KCNMA1: variants seen among roughly 807,000 people sequenced by gnomAD.
KCNMA1 encodes the protein Calcium-activated potassium channel subunit alpha-1.
A neutral mutation model predicts 140.0 loss-of-function variants in KCNMA1; 29 were observed. The observed-to-expected ratio is 0.21, with a 90% CI of 0.15 to 0.28. The LOEUF is 0.28. KCNMA1 is among the 10% of genes least tolerant of loss of function. The pLI, the probability that KCNMA1 is intolerant of heterozygous loss-of-function variation, is 1.00. For missense variants in KCNMA1, 880 were observed against 1,602.2 expected (o/e 0.55, Z 7.70); for synonymous variants, 612 against 611.9 (o/e 1.00, Z 0.00).
At chr10:77,515,736 A>C (rs1450886304) in intron 1 of KCNMA1, among the ~76,000 whole-genome samples, 2 of 145,656 alleles carry the variant, frequency 1.4e-5, no homozygotes, top group African/African-American at 5.3e-5. Context: ...CTCCCCACCC[A>C]GGGCTAACTC....
At chr10:77,637,138 C>T in intron 1 of KCNMA1, 127 bp downstream of exon 1, 1 of 1,247,350 alleles carries the variant, frequency 8.0e-7, no homozygotes, top group Non-Finnish European at 1.1e-6. Flanking sequence ...GAAGGGAAGG[C>T]GGCGAGGGGA....
chr10:77,395,918 TC>T (rs1427086402), intron 2 of KCNMA1, among the ~76,000 whole-genome samples: 15 of 152,160 alleles, frequency 9.9e-5, no homozygotes, highest in African/African-American at 3.4e-4. Flanking sequence ...CTAGTGCAAA[TC>T]TAGTGTATCT....
intron 16 of KCNMA1, among the ~76,000 whole-genome samples, chr10:77,024,641 C>T (rs2093223038): frequency 6.6e-6 from 1 of 151,870 alleles, no homozygotes; most frequent in Admixed American, 6.6e-5. Context: ...AGGGTGAAAT[C>T]ACATGGTGAA....
At chr10:77,344,196 A>G (rs533395161) in intron 2 of KCNMA1, among the ~76,000 whole-genome samples, 46 of 152,256 alleles carry the variant, frequency 3.0e-4, no homozygotes, top group Non-Finnish European at 5.9e-4. Flanking sequence ...CCACCAGCCC[A>G]CAAGGGACAC....
chr10:77,371,938 T>C (rs150125005), intron 2 of KCNMA1, among the ~76,000 whole-genome samples: 140 of 152,346 alleles, frequency 9.2e-4, no homozygotes, highest in Middle Eastern at 3.4e-3. Context: ...CAAAGAGCTC[T>C]CCTTTCCTTA....
chr10:77,022,685 A>G (rs989344686), intron 16 of KCNMA1, among the ~76,000 whole-genome samples: 2 of 152,188 alleles, frequency 1.3e-5, no homozygotes, highest in Non-Finnish European at 2.9e-5. Flanking sequence ...GCACATTTCA[A>G]CTATTTGTTG....
At chr10:77,346,162 G>A (rs529279530) in intron 2 of KCNMA1, among the ~76,000 whole-genome samples, 1 of 152,262 alleles carries the variant, frequency 6.6e-6, no homozygotes, top group East Asian at 1.9e-4. Context: ...TTCCTGAATT[G>A]TGGAACTTCA....
chr10:77,273,441 C>T (rs529581255), intron 2 of KCNMA1, among the ~76,000 whole-genome samples: 1 of 152,152 alleles, frequency 6.6e-6, no homozygotes, highest in Non-Finnish European at 1.5e-5. Context: ...AGCTATTATA[C>T]TTGCAAGATG....
At chr10:77,464,244 G>C (rs184090) in intron 1 of KCNMA1, among the ~76,000 whole-genome samples, 88,751 of 151,882 alleles carry the variant, frequency 0.58, 26,426 homozygotes, top group African/African-American at 0.67. Context: ...CCTGGGTTCT[G>C]AGAGGCTCAA....
intron 23 of KCNMA1, among the ~76,000 whole-genome samples, chr10:76,927,192 C>T (rs941156141): frequency 6.6e-6 from 1 of 152,164 alleles, no homozygotes; most frequent in East Asian, 1.9e-4. Flanking sequence ...CTCTAGTGTA[C>T]ATCCAGATTT....
At chr10:77,083,061 C>T (rs2096615504) in intron 12 of KCNMA1, among the ~76,000 whole-genome samples, 1 of 152,060 alleles carries the variant, frequency 6.6e-6, no homozygotes, top group African/African-American at 2.4e-5. Context: ...GGTAAGTTCC[C>T]AGGAGGCAGT....
At chr10:77,097,487 A>G (rs1021312140) in intron 9 of KCNMA1, among the ~76,000 whole-genome samples, 1 of 152,168 alleles carries the variant, frequency 6.6e-6, no homozygotes, top group Non-Finnish European at 1.5e-5. Flanking sequence ...TGCATCTTGG[A>G]GACTCTATCC....
chr10:77,127,164 G>T (rs534165593), intron 5 of KCNMA1, among the ~76,000 whole-genome samples: 16 of 151,302 alleles, frequency 1.1e-4, no homozygotes, highest in South Asian at 6.3e-4. Flanking sequence ...CTGGTGAAAT[G>T]ATGATGTTGA....
intron 16 of KCNMA1, among the ~76,000 whole-genome samples, chr10:77,021,315 T>G (rs2092815277): frequency 6.6e-6 from 1 of 152,208 alleles, no homozygotes; most frequent in African/African-American, 2.4e-5. Flanking sequence ...GGGTGAATAA[T>G]CGCTAGCTTA....
intron 1 of KCNMA1, among the ~76,000 whole-genome samples, chr10:77,470,383 C>T (rs967950798): frequency 1.3e-5 from 2 of 152,104 alleles, no homozygotes; most frequent in Non-Finnish European, 2.9e-5. Flanking sequence ...AGGGAAGACT[C>T]CGGGTGGCCT....
intron 21 of KCNMA1, 88 bp downstream of exon 21, chr10:76,953,713 C>T (rs933439497): frequency 2.0e-6 from 3 of 1,467,124 alleles, no homozygotes; most frequent in Non-Finnish European, 2.9e-6. Flanking sequence ...ACAGTATTAT[C>T]CCACTGTCCA....
chr10:77,029,027 C>T (rs2093713242), intron 15 of KCNMA1, among the ~76,000 whole-genome samples: 1 of 151,952 alleles, frequency 6.6e-6, no homozygotes, highest in Non-Finnish European at 1.5e-5. Flanking sequence ...AAGAATATTT[C>T]AAGATATAAG....
At chr10:77,537,995 AC>A (rs1749167807) in intron 1 of KCNMA1, among the ~76,000 whole-genome samples, 2 of 151,864 alleles carry the variant, frequency 1.3e-5, no homozygotes, top group Non-Finnish European at 2.9e-5. Context: ...ACACACACTC[AC>A]ATACTCTCAC....
intron 1 of KCNMA1, among the ~76,000 whole-genome samples, chr10:77,554,108 A>T (rs137873419): frequency 3.3e-5 from 5 of 152,298 alleles, no homozygotes; most frequent in Non-Finnish European, 7.3e-5. Context: ...TCTTCAAAGC[A>T]AGCTGAGTAA....
Sources: gnomAD v4.1 joint callset for allele counts (sites outside exome capture counted in the v4.1 genomes callset) on GRCh38, gnomAD v4.1.1 for gene constraint, MANE v1.5 for transcripts, NCBI Gene and HGNC (gene_info 2026-07-23, HGNC 2026-07-21) for gene names.